Variants in CTNND2 observed in about 807,000 individuals in gnomAD.
The protein encoded by CTNND2 is catenin delta-2.
Under a neutral mutation model 144.4 loss-of-function variants are expected in CTNND2, and 22 were observed. The observed-to-expected ratio is 0.15, with a 90% confidence interval of 0.11 to 0.22. The LOEUF is 0.22. Among genes scored for constraint, CTNND2 ranks in the 10% least tolerant of loss-of-function variants. The pLI, the probability that CTNND2 is intolerant of heterozygous loss-of-function variation, is 1.00. For synonymous variants in CTNND2, 751 were observed against 695.6 expected (o/e 1.08, Z -1.25); for missense variants, 1,353 against 1,618.8 (o/e 0.84, Z 2.82).
chr5:11,775,321 T>C (rs770965814), intron 1 of CTNND2, among the ~76,000 whole-genome samples: 1 of 152,222 alleles, frequency 6.6e-6, no homozygotes, highest in Non-Finnish European at 1.5e-5. Context: ...CTACAGGACC[T>C]TGGAGAAGTC....
intron 10 of CTNND2, among the ~76,000 whole-genome samples, chr5:11,206,487 C>T (rs1561021182): frequency 1.3e-5 from 2 of 152,158 alleles, no homozygotes; most frequent in African/African-American, 4.8e-5. Context: ...TTTCTAAAGA[C>T]ACCACTCAGG....
chr5:11,373,319 C>T (rs1757628480), intron 7 of CTNND2, among the ~76,000 whole-genome samples: 1 of 152,140 alleles, frequency 6.6e-6, no homozygotes, highest in Non-Finnish European at 1.5e-5. Context: ...TCAAGTGATC[C>T]TCACACTTCA....
chr5:11,607,653 T>G (rs1780116903), intron 2 of CTNND2, among the ~76,000 whole-genome samples: 1 of 152,194 alleles, frequency 6.6e-6, no homozygotes, highest in South Asian at 2.1e-4. Flanking sequence ...TGCTCAATAG[T>G]CTTAGTTATG....
intron 9 of CTNND2, among the ~76,000 whole-genome samples, chr5:11,304,401 C>T (rs1392678877): frequency 2.0e-5 from 3 of 151,818 alleles, no homozygotes; most frequent in Non-Finnish European, 4.4e-5. Flanking sequence ...CACACACTTA[C>T]ACACACACAC....
chr5:11,467,940 A>G (rs144205390), intron 3 of CTNND2, among the ~76,000 whole-genome samples: 1 of 152,358 alleles, frequency 6.6e-6, no homozygotes, highest in African/African-American at 2.4e-5. Context: ...AGGATAAAAA[A>G]TATGCATTAG....
chr5:11,344,391 C>CAA (rs769278963), intron 9 of CTNND2, among the ~76,000 whole-genome samples: 88 of 106,786 alleles, frequency 8.2e-4, no homozygotes, highest in African/African-American at 2.5e-3. Flanking sequence ...GACTCCGTCT[C>CAA]AAAAAAAAAA....
intron 1 of CTNND2, among the ~76,000 whole-genome samples, chr5:11,866,853 C>T (rs903691704): frequency 6.6e-6 from 1 of 152,144 alleles, no homozygotes; most frequent in Non-Finnish European, 1.5e-5. Flanking sequence ...TCTGTGTGGT[C>T]CCAATCAATA....
intron 9 of CTNND2, among the ~76,000 whole-genome samples, chr5:11,277,432 C>T (rs966651779): frequency 2.0e-5 from 3 of 152,026 alleles, no homozygotes; most frequent in Non-Finnish European, 2.9e-5. Flanking sequence ...AAAGAAACTT[C>T]AATGGCCAGT....
At chr5:11,347,099 A>C (rs1469533271) in intron 8 of CTNND2, among the ~76,000 whole-genome samples, 1 of 152,262 alleles carries the variant, frequency 6.6e-6, no homozygotes, top group African/African-American at 2.4e-5. Context: ...CAAAGAAAAT[A>C]AGAAGAAATG....
chr5:11,089,339 T>C (rs1207487899), intron 15 of CTNND2, among the ~76,000 whole-genome samples: 6 of 152,232 alleles, frequency 3.9e-5, no homozygotes, highest in African/African-American at 1.2e-4. Context: ...ATGCTGGAAG[T>C]GTGCTTCCTC....
chr5:11,181,024 C>T (rs1438228436), intron 11 of CTNND2, among the ~76,000 whole-genome samples: 1 of 152,066 alleles, frequency 6.6e-6, no homozygotes, highest in Admixed American at 6.6e-5. Flanking sequence ...TGTGTTTGGG[C>T]AGGTTAGGCA....
intron 11 of CTNND2, among the ~76,000 whole-genome samples, chr5:11,166,761 C>T (rs1317412702): frequency 2.0e-5 from 3 of 152,106 alleles, no homozygotes; most frequent in Non-Finnish European, 4.4e-5. Context: ...ATCTGCTATA[C>T]AAACGAGTAT....
intron 1 of CTNND2, among the ~76,000 whole-genome samples, chr5:11,790,137 T>C (rs990240628): frequency 1.3e-5 from 2 of 152,224 alleles, no homozygotes; most frequent in African/African-American, 4.8e-5. Context: ...ATCATTTCAT[T>C]TACTGATTTC....
chr5:11,516,316 C>T (rs939617837), intron 3 of CTNND2, among the ~76,000 whole-genome samples: 4 of 151,352 alleles, frequency 2.6e-5, no homozygotes, highest in Non-Finnish European at 4.4e-5. Flanking sequence ...TAAAGGAAGT[C>T]CTGGACGAGG....
At chr5:11,443,311 GTGTGTGTGCATGT>G in intron 3 of CTNND2, among the ~76,000 whole-genome samples, 1 of 94,502 alleles carries the variant, frequency 1.1e-5, no homozygotes, top group African/African-American at 4.1e-5. Flanking sequence ...CATGTGTGTG[GTGTGTGTGCATGT>G]GTGTGTGGTG....
intron 3 of CTNND2, among the ~76,000 whole-genome samples, chr5:11,432,746 G>A (rs1188442287): frequency 6.6e-6 from 1 of 152,042 alleles, no homozygotes; most frequent in Non-Finnish European, 1.5e-5. Context: ...ACTTCGTTTT[G>A]GATTCATTAC....
intron 9 of CTNND2, among the ~76,000 whole-genome samples, chr5:11,295,550 G>C (rs886231082): frequency 2.6e-5 from 4 of 152,170 alleles, no homozygotes; most frequent in African/African-American, 9.7e-5. Flanking sequence ...AAAGAACAAA[G>C]CTGGAGGCAT....
intron 9 of CTNND2, among the ~76,000 whole-genome samples, chr5:11,299,999 C>CA (rs1343874840): frequency 6.6e-6 from 1 of 152,216 alleles, no homozygotes; most frequent in Non-Finnish European, 1.5e-5. Context: ...ATGATCCTCT[C>CA]AAAAGAAATG....
chr5:11,193,716 G>C (rs1332966357), intron 11 of CTNND2, among the ~76,000 whole-genome samples: 1 of 152,060 alleles, frequency 6.6e-6, no homozygotes, highest in South Asian at 2.1e-4. Flanking sequence ...CTCCTGCTCT[G>C]GGGAGAGGGG....
Sources: allele counts gnomAD v4.1 joint callset (sites outside exome capture counted in the v4.1 genomes callset), GRCh38; gene constraint gnomAD v4.1.1; transcripts MANE v1.5; gene names NCBI Gene and HGNC (gene_info 2026-07-23, HGNC 2026-07-21).